Variants in ATP8A2 observed in about 807,000 individuals in gnomAD.
ATP8A2 encodes phospholipid-transporting ATPase IB.
Under a neutral mutation model 165.6 loss-of-function variants are expected in ATP8A2, and 100 were observed. The ratio of observed to expected loss-of-function variants is 0.60; its 90% CI spans 0.51 to 0.71. The LOEUF (loss-of-function observed/expected upper bound fraction) is 0.71. ATP8A2 is among the 30% of genes least tolerant of loss of function. The pLI is 0.00. For synonymous variants in ATP8A2, 543 were observed against 548.8 expected (o/e 0.99, Z 0.15); for missense variants, 1,227 against 1,479.5 (o/e 0.83, Z 2.80).
intron 2 of ATP8A2, among the ~76,000 whole-genome samples, chr13:25,478,560 G>C (rs919204909): frequency 4.6e-5 from 7 of 152,174 alleles, no homozygotes; most frequent in Non-Finnish European, 8.8e-5. Context: ...TCTCTTAAAT[G>C]AAAGCCAGCT....
intron 35 of ATP8A2, among the ~76,000 whole-genome samples, chr13:25,974,577 C>G (rs940579932): frequency 2.6e-5 from 4 of 152,038 alleles, no homozygotes; most frequent in African/African-American, 9.7e-5. Context: ...ACAGTGTACC[C>G]AGTCCAGGCT....
chr13:25,779,677 T>C (rs909666295), intron 27 of ATP8A2, among the ~76,000 whole-genome samples: 2 of 152,190 alleles, frequency 1.3e-5, no homozygotes, highest in Non-Finnish European at 1.5e-5. Context: ...AGAACTTACA[T>C]GTAATTTTGT....
chr13:25,904,714 A>C (rs2138965899), intron 33 of ATP8A2, among the ~76,000 whole-genome samples: 1 of 152,310 alleles, frequency 6.6e-6, no homozygotes, highest in East Asian at 1.9e-4. Flanking sequence ...TCCCCCCGGT[A>C]ATTAATGGTT....
intron 35 of ATP8A2, among the ~76,000 whole-genome samples, chr13:25,988,785 G>A (rs932991115): frequency 6.6e-6 from 1 of 152,212 alleles, no homozygotes; most frequent in Non-Finnish European, 1.5e-5. Context: ...TCCATGGGCT[G>A]GGCTGAACTT....
intron 2 of ATP8A2, among the ~76,000 whole-genome samples, chr13:25,491,516 C>T (rs888765529): frequency 6.6e-6 from 1 of 152,188 alleles, no homozygotes; most frequent in Non-Finnish European, 1.5e-5. Context: ...GTGTGAGTCA[C>T]CATGCCCGAC....
rs1476707978 is a variant in ATP8A2 at position 25,953,544 on chromosome 13, AAAGC to A, written c.3184-8027_3184-8024del. On this transcript the variant is annotated intron_variant, in intron 33 of 36. Coordinates refer to ENST00000381655, the MANE Select transcript of ATP8A2 (RefSeq NM_016529.6). This position sits in a 1 kb window ranked among gnomAD's most constrained non-coding sequence, Gnocchi z 6.7. ...TTTTAAAAAAAAAAAAAAAAAAAAA[AAAGC>A]AAGGGAAATAGGCAAGACGGCCAAA... Among the ~76,000 whole-genome samples, 1 of 122,938 alleles carries A rather than the reference AAAGC, an allele frequency of 8.1e-6. No individual in the cohort carries two copies. Among genetic ancestry groups the A allele is most frequent in the Non-Finnish European group, 1.7e-5 (1 of 59,302 alleles). The allele number at this position is 122,938 out of a possible 152,430, so 80.7% of individuals were successfully genotyped here.
chr13:25,863,526 G>A (rs921210518), intron 33 of ATP8A2: 1 of 152,188 alleles, frequency 6.6e-6, no homozygotes, highest in East Asian at 1.9e-4. Flanking sequence ...GGGAACTGTG[G>A]GTCAGGCTTT....
chr13:25,475,930 A>G (rs1231649960), intron 2 of ATP8A2, among the ~76,000 whole-genome samples: 1 of 152,158 alleles, frequency 6.6e-6, no homozygotes, highest in Non-Finnish European at 1.5e-5. Context: ...CCTTTGTCAG[A>G]TGCATAGTTT....
chr13:25,937,803 G>T (rs34751212), intron 33 of ATP8A2, among the ~76,000 whole-genome samples: 2 of 144,254 alleles, frequency 1.4e-5, no homozygotes, highest in African/African-American at 2.6e-5. Context: ...GAGCCGAGAT[G>T]GCAACACTGC....
intron 20 of ATP8A2, among the ~76,000 whole-genome samples, chr13:25,578,545 A>G (rs1393964048): frequency 6.6e-6 from 1 of 152,192 alleles, no homozygotes; most frequent in African/African-American, 2.4e-5. Context: ...ATAGGCCCCC[A>G]TGTATTCCAA....
rs577320831 is a variant in ATP8A2, at chr13:25,578,243, C to A, written c.1783-572C>A. Reference sequence around the variant, plus strand: ...AGTTTAAAAAAATTTTTGTAATAGCCTAAAACTATGCAATTTGTAACACAT... The same window carrying A: ...AGTTTAAAAAAATTTTTGTAATAGCATAAAACTATGCAATTTGTAACACAT... On this transcript the variant is annotated intron_variant, in intron 20 of 36. Transcript: ENST00000381655. Among the ~76,000 whole-genome samples, 8 of 152,260 alleles carry A rather than the reference C, an allele frequency of 5.3e-5. No homozygotes were observed. In the South Asian group the frequency reaches 1.7e-3, roughly 32 times the overall value.
chr13:25,892,491 T>TCC (rs1285670149), intron 33 of ATP8A2, among the ~76,000 whole-genome samples: 1 of 151,348 alleles, frequency 6.6e-6, no homozygotes, highest in Non-Finnish European at 1.5e-5. Context: ...TCTCTCTCTC[T>TCC]CTCTCTCTCT....
intron 33 of ATP8A2, among the ~76,000 whole-genome samples, chr13:25,942,446 A>G (rs112796385): frequency 1.3e-5 from 2 of 151,960 alleles, no homozygotes; most frequent in African/African-American, 4.8e-5. Context: ...TTTTGAGATG[A>G]AGTCTCGCTC....
At chr13:25,887,120 G>A (rs1166092675) in intron 33 of ATP8A2, among the ~76,000 whole-genome samples, 1 of 152,190 alleles carries the variant, frequency 6.6e-6, no homozygotes, top group Non-Finnish European at 1.5e-5. Context: ...AACAGAGGAT[G>A]AGTAAGAAAT....
chr13:25,512,154 TA>T (rs1487693545), intron 2 of ATP8A2, among the ~76,000 whole-genome samples: 1 of 151,374 alleles, frequency 6.6e-6, no homozygotes, highest in African/African-American at 2.4e-5. Context: ...TTAATCCATT[TA>T]ACCCTGAGTG....
At chr13:25,570,619 G>C in intron 16 of ATP8A2, 148 bp from the exon 17 acceptor site, 1 of 565,028 alleles carries the variant, frequency 1.8e-6, no homozygotes, top group South Asian at 2.9e-5. Context: ...AGCGGTAGGA[G>C]GGGGATCTGA....
At position 25,771,192 on chromosome 13, in the gene ATP8A2, C is replaced by T. The variant is rs538611570; in HGVS notation, c.2568+1963C>T. 2.0e-3 allele frequency among the ~76,000 whole-genome samples: 309 copies of T among 152,228 alleles called. 2 individuals carry two copies. Among genetic ancestry groups the T allele is most frequent in the African/African-American group, 7.1e-3 (293 of 41,536 alleles). On this transcript the variant is annotated intron_variant, in intron 26 of 36. Transcript: ENST00000381655. ...ATCTTGACTTTATAGGTGGGAAAACCGGGGTTCCTTCGTATCAGGTGACTT... is the reference window on the plus strand; with the variant it reads ...ATCTTGACTTTATAGGTGGGAAAACTGGGGTTCCTTCGTATCAGGTGACTT...
At chr13:25,451,832 A>C (rs1320699602) in intron 1 of ATP8A2, among the ~76,000 whole-genome samples, 1 of 149,736 alleles carries the variant, frequency 6.7e-6, no homozygotes, top group Non-Finnish European at 1.5e-5. Context: ...TCCTTTCCTA[A>C]AAGCAAATAT....
intron 33 of ATP8A2, among the ~76,000 whole-genome samples, chr13:25,905,029 G>A (rs1390493832): frequency 7.6e-6 from 1 of 130,804 alleles, no homozygotes; most frequent in Middle Eastern, 3.6e-3. Context: ...CCCCACCCCC[G>A]CCACCGCCCC....
Sources: gnomAD v4.1 joint callset for allele counts (sites outside exome capture counted in the v4.1 genomes callset) on GRCh38, gnomAD v4.1.1 for gene constraint, Gnocchi (gnomAD v3.1) non-coding constraint, MANE v1.5 for transcripts, NCBI Gene and HGNC (gene_info 2026-07-23, HGNC 2026-07-21) for gene names.